SLC71A2: variants seen among roughly 807,000 people sequenced by gnomAD.
The protein encoded by SLC71A2 is solute carrier family 71 member 2, also known as hippocampus abundant transcript-like 1.
At chr9:94,445,333 G>C in the SLC71A2 span, 1 of 636,658 alleles carries the variant, frequency 1.6e-6, no homozygotes, top group Non-Finnish European at 2.7e-6. Context: ...AAGGGATTGA[G>C]TTAGTCTTTG....
the SLC71A2 span, among the ~76,000 whole-genome samples, chr9:94,427,794 G>A: frequency 6.8e-6 from 1 of 147,002 alleles, no homozygotes; most frequent in African/African-American, 2.6e-5. Context: ...GAGTATAGAA[G>A]GGAGAATGTG....
the SLC71A2 span, among the ~76,000 whole-genome samples, chr9:94,394,936 C>T: frequency 9.8e-5 from 6 of 61,394 alleles, no homozygotes; most frequent in Admixed American, 4.2e-4. Flanking sequence ...TTTTTTGAGA[C>T]GGTGTCTTGC....
the SLC71A2 span, chr9:94,454,162 G>A: frequency 8.5e-5 from 71 of 836,196 alleles, no homozygotes; most frequent in Middle Eastern, 1.1e-3. Context: ...GGAAGCAAGG[G>A]TTATTTTGCT....
At chr9:94,396,448 G>T in the SLC71A2 span, among the ~76,000 whole-genome samples, 1 of 152,230 alleles carries the variant, frequency 6.6e-6, no homozygotes, top group Non-Finnish European at 1.5e-5. Flanking sequence ...CCAGGAGGCG[G>T]AGGTTGCAGT....
the SLC71A2 span, among the ~76,000 whole-genome samples, chr9:94,411,986 A>G: frequency 3.3e-5 from 5 of 152,172 alleles, no homozygotes; most frequent in Non-Finnish European, 7.3e-5. Context: ...AAGGGTAAAT[A>G]TGTAATTTGT....
the SLC71A2 span, among the ~76,000 whole-genome samples, chr9:94,415,968 C>T: frequency 6.6e-6 from 1 of 152,148 alleles, no homozygotes; most frequent in Non-Finnish European, 1.5e-5. Flanking sequence ...TACTTTGTAA[C>T]AATGAGTAAT....
the SLC71A2 span, among the ~76,000 whole-genome samples, chr9:94,410,272 T>G: frequency 6.6e-6 from 1 of 151,826 alleles, no homozygotes; most frequent in African/African-American, 2.4e-5. Context: ...ATTTTTAAAT[T>G]TTTTGGAGAG....
the SLC71A2 span, among the ~76,000 whole-genome samples, chr9:94,420,595 CTTT>C: frequency 7.0e-6 from 1 of 143,310 alleles, no homozygotes; most frequent in African/African-American, 2.6e-5. Flanking sequence ...GTTTATAATA[CTTT>C]TTTTTTTTTT....
the SLC71A2 span, chr9:94,438,536 A>T: frequency 6.2e-7 from 1 of 1,603,424 alleles, no homozygotes; most frequent in African/African-American, 1.3e-5. Flanking sequence ...ATGGTGAGTG[A>T]CTTGGCCCTT....
At chr9:94,378,367 G>T in the SLC71A2 span, among the ~76,000 whole-genome samples, 1 of 152,084 alleles carries the variant, frequency 6.6e-6, no homozygotes, top group Non-Finnish European at 1.5e-5. Flanking sequence ...GAGGTGCCAG[G>T]CTCCTTTTAG....
At chr9:94,454,112 G>A in the SLC71A2 span, 31 of 1,374,410 alleles carry the variant, frequency 2.3e-5, no homozygotes, top group Non-Finnish European at 3.2e-5. Context: ...CCAGACAGAT[G>A]CCTCTTAGAG....
the SLC71A2 span, among the ~76,000 whole-genome samples, chr9:94,444,394 C>A: frequency 6.2e-4 from 95 of 152,200 alleles, 1 homozygote; most frequent in Middle Eastern, 0.031. Context: ...TCAACAAATT[C>A]TTTGTTGTTG....
At chr9:94,429,847 A>G in the SLC71A2 span, among the ~76,000 whole-genome samples, 4 of 151,962 alleles carry the variant, frequency 2.6e-5, no homozygotes, top group Admixed American at 2.6e-4. Flanking sequence ...TTTAGTATAT[A>G]GACTTTGGAA....
At chr9:94,379,993 C>T in the SLC71A2 span, among the ~76,000 whole-genome samples, 4 of 152,166 alleles carry the variant, frequency 2.6e-5, no homozygotes, top group Non-Finnish European at 4.4e-5. Context: ...TTCAGCTGGA[C>T]GCGGTGGCTT....
the SLC71A2 span, among the ~76,000 whole-genome samples, chr9:94,423,525 T>C: frequency 1.2e-4 from 18 of 152,208 alleles, no homozygotes; most frequent in African/African-American, 3.6e-4. Context: ...ACATCTTTAT[T>C]GCTGGATGGT....
the SLC71A2 span, among the ~76,000 whole-genome samples, chr9:94,450,890 G>A: frequency 4.6e-5 from 7 of 152,284 alleles, no homozygotes; most frequent in South Asian, 1.5e-3. Flanking sequence ...TCATTGCCAG[G>A]TTACTTTGGC....
the SLC71A2 span, among the ~76,000 whole-genome samples, chr9:94,411,697 T>G: frequency 6.6e-6 from 1 of 151,978 alleles, no homozygotes; most frequent in Non-Finnish European, 1.5e-5. Flanking sequence ...TTCAAGCCAT[T>G]CTCCTACCTC....
the SLC71A2 span, among the ~76,000 whole-genome samples, chr9:94,454,727 AT>A: frequency 8.5e-5 from 13 of 152,188 alleles, no homozygotes; most frequent in African/African-American, 2.9e-4. Context: ...TACAAAAAAA[AT>A]GACTGATTAT....
chr9:94,435,305 A>G, the SLC71A2 span, among the ~76,000 whole-genome samples: 1 of 152,124 alleles, frequency 6.6e-6, no homozygotes, highest in African/African-American at 2.4e-5. Context: ...CACCACATCT[A>G]CTATCCACCT....
Sources: gnomAD v4.1 joint callset for allele counts (sites outside exome capture counted in the v4.1 genomes callset) on GRCh38, gnomAD v4.1.1 for gene constraint, MANE v1.5 for transcripts, NCBI Gene and HGNC (gene_info 2026-07-23, HGNC 2026-07-21) for gene names.